Variants in CACNA1C observed in about 807,000 individuals in gnomAD.
CACNA1C encodes voltage-dependent L-type calcium channel subunit alpha-1C.
CACNA1C carries 30 observed loss-of-function variants against 229.0 expected under a neutral mutation model. The observed-to-expected ratio is 0.13, with a 90% CI of 0.10 to 0.18. The LOEUF is 0.18. Among genes scored for constraint, CACNA1C ranks in the 10% least tolerant of loss-of-function variants. The pLI, the probability that CACNA1C is intolerant of heterozygous loss-of-function variation, is 1.00. For synonymous variants in CACNA1C, 1,114 were observed against 1,132.5 expected (o/e 0.98, Z 0.33); for missense variants, 1,658 against 2,845.0 (o/e 0.58, Z 9.49).
intron 3 of CACNA1C, among the ~76,000 whole-genome samples, chr12:2,364,896 C>G (rs568413683): frequency 1.3e-5 from 2 of 152,298 alleles, no homozygotes; most frequent in African/African-American, 4.8e-5. Flanking sequence ...AAGAGTAGAA[C>G]AAGCAGGGGC....
chr12:2,433,032 G>C (rs2099101016), intron 3 of CACNA1C, among the ~76,000 whole-genome samples: 1 of 152,222 alleles, frequency 6.6e-6, no homozygotes, highest in Admixed American at 6.5e-5. Context: ...CATGCCAGAG[G>C]AGCCTCGCTG....
In CACNA1C at chr12:2,639,348, A is replaced by G. The variant is rs970999255; in HGVS notation, c.3912+4968A>G. Among the ~76,000 whole-genome samples the G allele has an allele frequency of 6.6e-6, 1 of 152,164 alleles. No individual in the cohort carries two copies. The highest frequency in any genetic ancestry group is 1.5e-5 in the Non-Finnish European group (1 of 68,028). On this transcript the variant is annotated intron_variant, in intron 30 of 46. Transcript: ENST00000399655. The surrounding 1 kb of genome is among the most constrained non-coding windows in gnomAD (Gnocchi z 4.2). ...TACAGCACCAGAAACTGCTCCCTAA[A>G]CATCCCAAACTGGAATTAATTTGAC...
chr12:2,634,765 C>T (rs187318702), intron 30 of CACNA1C, among the ~76,000 whole-genome samples: 126 of 152,190 alleles, frequency 8.3e-4, no homozygotes, highest in African/African-American at 2.5e-3. Flanking sequence ...CCTCTTCTGA[C>T]CTCCACCTTC....
intron 5 of CACNA1C, among the ~76,000 whole-genome samples, chr12:2,484,127 T>G (rs1211671426): frequency 2.0e-5 from 3 of 152,086 alleles, no homozygotes; most frequent in African/African-American, 7.2e-5. Context: ...TTAAGGAACA[T>G]AACATTTCAA....
At chr12:2,184,832 C>T (rs2096948529) in intron 3 of CACNA1C, among the ~76,000 whole-genome samples, 1 of 152,186 alleles carries the variant, frequency 6.6e-6, no homozygotes, top group Non-Finnish European at 1.5e-5. Context: ...CTTTATATAT[C>T]CCACTTCCGC....
intron 4 of CACNA1C, among the ~76,000 whole-genome samples, chr12:2,457,121 G>T (rs966773521): frequency 3.3e-5 from 5 of 152,230 alleles, no homozygotes; most frequent in Non-Finnish European, 7.3e-5. Context: ...CATGGGCCAG[G>T]AACAAGTCAA....
chr12:2,505,790 C>T (rs549532225), intron 8 of CACNA1C, among the ~76,000 whole-genome samples: 1 of 152,312 alleles, frequency 6.6e-6, no homozygotes, highest in South Asian at 2.1e-4. Context: ...CAAGGCCTAA[C>T]ACCTAAATGC....
chr12:2,255,904 A>G (rs1600929630), intron 3 of CACNA1C, among the ~76,000 whole-genome samples: 4 of 151,732 alleles, frequency 2.6e-5, no homozygotes, highest in Non-Finnish European at 3.0e-5. Flanking sequence ...CTAGTTTACA[A>G]TCACACGACC....
In CACNA1C at chr12:2,023,211, T is replaced by C. The variant is rs2906896; in HGVS notation, c.139+52010T>C. The stretch of plus-strand genomic sequence containing the variant: ...AGTGTTCTGTCGTTCTGTAGGTTCA[T>C]ATGTTGGAGTGAACTTTAGAACCCA... On this transcript the variant is annotated intron_variant, in intron 1 of 46. Coordinates refer to the CACNA1C transcript ENST00000682462. Among the ~76,000 whole-genome samples the C allele has an allele frequency of 9.5e-3, 1,449 of 152,306 alleles. 31 individuals carry two copies. Among genetic ancestry groups the C allele is most frequent in the African/African-American group, 0.032 (1,349 of 41,566 alleles).
chr12:2,257,955 C>A (rs992895494), intron 3 of CACNA1C, among the ~76,000 whole-genome samples: 4 of 152,152 alleles, frequency 2.6e-5, no homozygotes, highest in Admixed American at 2.6e-4. Flanking sequence ...ACACTCTCAA[C>A]TTGATTGAAG....
At chr12:2,027,460 T>C (rs2047529614) in intron 1 of CACNA1C, among the ~76,000 whole-genome samples, 1 of 152,232 alleles carries the variant, frequency 6.6e-6, no homozygotes, top group Non-Finnish European at 1.5e-5. Flanking sequence ...AAATAAATTA[T>C]CTTTATGCTG....
At chr12:2,576,234 C>T (rs927394243) in intron 13 of CACNA1C, among the ~76,000 whole-genome samples, 4 of 152,082 alleles carry the variant, frequency 2.6e-5, no homozygotes, top group Non-Finnish European at 5.9e-5. Flanking sequence ...CAGGGACGCA[C>T]AGTTTGGAGA....
intron 3 of CACNA1C, chr12:2,222,183 A>G (rs2061639680): frequency 6.6e-6 from 1 of 152,224 alleles, no homozygotes; most frequent in Non-Finnish European, 1.5e-5. Flanking sequence ...TATTTGAAAA[A>G]ACTTGTGATG....
intron 1 of CACNA1C, among the ~76,000 whole-genome samples, chr12:2,107,057 A>G (rs4765893): frequency 0.037 from 541 of 14,464 alleles, 58 homozygotes; most frequent in African/African-American, 0.056. Context: ...GTGTCCTGAA[A>G]CCACTGGGTG....
rs1037343443 is a variant in CACNA1C at position 2,678,593 on chromosome 12, G to A, written c.5091+726G>A. Among the ~76,000 whole-genome samples the A allele has an allele frequency of 6.6e-6, 1 of 152,126 alleles. No individual in the cohort carries two copies. The highest frequency in any genetic ancestry group is 1.9e-4 in the East Asian group (1 of 5,164). Reference sequence around the variant, plus strand: ...GACCCTGCTCACACCGCTCTCTCCCGGCCGCGGGCCCAGTTCCCAGGCTGT... The same window carrying A: ...GACCCTGCTCACACCGCTCTCTCCCAGCCGCGGGCCCAGTTCCCAGGCTGT... On this transcript the variant is annotated intron_variant, in intron 41 of 46. Transcript: ENST00000399655. The surrounding 1 kb of genome is among the most constrained non-coding windows in gnomAD (Gnocchi z 4.1).
intron 3 of CACNA1C, among the ~76,000 whole-genome samples, chr12:2,244,734 C>G (rs575712116): frequency 4.9e-4 from 74 of 152,304 alleles, no homozygotes; most frequent in African/African-American, 1.7e-3. Flanking sequence ...CGTGGACTCC[C>G]CCTGCAAGAA....
intron 13 of CACNA1C, among the ~76,000 whole-genome samples, chr12:2,572,318 CTCTTCCTCCTCCTTCTCT>C (rs1438273800): frequency 9.0e-6 from 1 of 111,132 alleles, no homozygotes; most frequent in African/African-American, 3.3e-5. Flanking sequence ...CCTCCTCCTC[CTCTTCCTCCTCCTTCTCT>C]TCTTCCTCCT....
At chr12:2,570,649 C>T (rs1468664314) in intron 13 of CACNA1C, among the ~76,000 whole-genome samples, 4 of 152,084 alleles carry the variant, frequency 2.6e-5, no homozygotes, top group Non-Finnish European at 5.9e-5. Context: ...ATGGCGTGAA[C>T]TAAATCCAGG....
At chr12:2,502,110 C>T (rs888440744) in intron 7 of CACNA1C, among the ~76,000 whole-genome samples, 4 of 152,262 alleles carry the variant, frequency 2.6e-5, no homozygotes, top group Admixed American at 1.3e-4. Context: ...AGACACTCTT[C>T]CACTGGTGGA....
Sources: allele counts gnomAD v4.1 joint callset (sites outside exome capture counted in the v4.1 genomes callset), GRCh38; gene constraint gnomAD v4.1.1; non-coding constraint Gnocchi (gnomAD v3.1); transcripts MANE v1.5; gene names NCBI Gene and HGNC (gene_info 2026-07-23, HGNC 2026-07-21).